SPTLC1: variants seen among roughly 807,000 people sequenced by gnomAD.
The protein encoded by SPTLC1 is serine palmitoyltransferase long chain base subunit 1.
In SPTLC1, 55 loss-of-function variants were observed where a neutral mutation model predicts 68.9. The observed-to-expected ratio is 0.80, with a 90% CI of 0.64 to 1.00. SPTLC1 has a LOEUF of 1.00. SPTLC1 is among the 50% of genes least tolerant of loss of function. The pLI, the probability that SPTLC1 is intolerant of heterozygous loss-of-function variation, is 0.00. For synonymous variants in SPTLC1, 197 were observed against 201.6 expected, an observed-to-expected ratio of 0.98 and a Z score of 0.19; for missense variants, 449 against 573.1, an observed-to-expected ratio of 0.78 and a Z score of 2.21.
rs757436540 is a variant in SPTLC1, at chr9:92,055,447, T to A, written c.738A>T (p.Gly246=). Residue 246 remains glycine, a synonymous_variant, in exon 8 of 15, where the codon GGA becomes GGT. Coordinates refer to ENST00000262554, the MANE Select transcript of SPTLC1 (RefSeq NM_006415.4). ...AAATAGTTCCAGTATTCATATACAATCCTTCTACTACAATGAAACGCCGAG... is the reference window on the plus strand; with the variant it reads ...AAATAGTTCCAGTATTCATATACAAACCTTCTACTACAATGAAACGCCGAG... The part of the protein sequence containing the change: ...RVTRRFIVVE[G]LYMNTGTICP... The A allele has an allele frequency of 6.2e-7, 1 of 1,613,788 alleles. No homozygotes were observed. The highest frequency in any genetic ancestry group is 8.5e-7 in the Non-Finnish European group (1 of 1,179,890).
intron 1 of SPTLC1, among the ~76,000 whole-genome samples, chr9:92,113,404 C>G (rs1296411115): frequency 6.6e-6 from 1 of 152,184 alleles, no homozygotes; most frequent in Non-Finnish European, 1.5e-5. Context: ...AGAAATCACC[C>G]TAAGAAAAGC....
chr9:92,077,749 T>A (rs1417292052), intron 5 of SPTLC1, among the ~76,000 whole-genome samples: 1 of 152,178 alleles, frequency 6.6e-6, no homozygotes, highest in Non-Finnish European at 1.5e-5. Flanking sequence ...CTCCAGACCA[T>A]TGTAGCTGAT....
chr9:92,038,589 T>G (rs1368423119), intron 12 of SPTLC1: 3 of 551,012 alleles, frequency 5.4e-6, no homozygotes. Flanking sequence ...GCTTCCTGAG[T>G]GCAGGACCGG....
At chr9:92,090,220 A>G (rs1231594055) in intron 3 of SPTLC1, among the ~76,000 whole-genome samples, 4 of 152,262 alleles carry the variant, frequency 2.6e-5, no homozygotes, top group African/African-American at 9.6e-5. Flanking sequence ...AGTGGAGGTC[A>G]AATATCAGAC....
At position 92,050,302 on chromosome 9, in the gene SPTLC1, C is replaced by G. The variant is rs1472752184; in HGVS notation, c.781-235G>C. 7 of 462,306 alleles carry G rather than the reference C, an allele frequency of 1.5e-5. No individual in the cohort carries two copies. In the East Asian group the frequency reaches 2.5e-4, roughly 17 times the overall value. The allele number at this position is 462,306 out of a possible 1,614,324, so 28.6% of individuals were successfully genotyped here. On this transcript the variant is annotated intron_variant, in intron 8 of 14. Transcript: ENST00000262554. ...AGTGAAGAATTTGAATTACCTGACA[C>G]GTGTTTTCCCAGGTGAGGGTGAACA...
intron 12 of SPTLC1, among the ~76,000 whole-genome samples, chr9:92,043,616 C>A (rs940031677): frequency 6.6e-6 from 1 of 152,170 alleles, no homozygotes; most frequent in African/African-American, 2.4e-5. Context: ...TGCATATGAA[C>A]TTCTGCTAGA....
At chr9:92,101,345 G>A (rs369365046) in intron 3 of SPTLC1, among the ~76,000 whole-genome samples, 5 of 151,784 alleles carry the variant, frequency 3.3e-5, no homozygotes, top group African/African-American at 1.2e-4. Flanking sequence ...GGCGGATCAC[G>A]AGGTCAGGAG....
chr9:92,056,271 C>T (rs1374148189), intron 7 of SPTLC1, among the ~76,000 whole-genome samples: 1 of 152,076 alleles, frequency 6.6e-6, no homozygotes, highest in Non-Finnish European at 1.5e-5. Flanking sequence ...TCACTGTCAC[C>T]CAGGTGGGAG....
intron 3 of SPTLC1, among the ~76,000 whole-genome samples, chr9:92,104,099 C>G (rs939480329): frequency 5.3e-5 from 8 of 152,224 alleles, no homozygotes; most frequent in Non-Finnish European, 1.0e-4. Flanking sequence ...GTCATAAACT[C>G]CCAGATGCCC....
chr9:92,038,580 C>T (rs1833230933), intron 12 of SPTLC1: 2 of 575,904 alleles, frequency 3.5e-6, no homozygotes, highest in Non-Finnish European at 6.3e-6. Context: ...TGCAATGTGG[C>T]TTCCTGAGTG....
At chr9:92,076,065 C>T (rs1188355603) in intron 5 of SPTLC1, among the ~76,000 whole-genome samples, 1 of 152,194 alleles carries the variant, frequency 6.6e-6, no homozygotes, top group African/African-American at 2.4e-5. Context: ...TCCCCATTTA[C>T]AACCTCTCAA....
chr9:92,032,911 A>G (rs1833022443), intron 14 of SPTLC1, among the ~76,000 whole-genome samples: 1 of 152,116 alleles, frequency 6.6e-6, no homozygotes, highest in African/African-American at 2.4e-5. Flanking sequence ...ACAAACAGAA[A>G]AAAGAATTAT....
In SPTLC1 at chr9:92,102,566, C is replaced by T. The variant is rs1216107318; in HGVS notation, c.260+6174G>A. Reference sequence around the variant, plus strand: ...GGATGTGGGGGTAGTATAGCAGGTTCGTGTGTGATCAAAATTTTTATCAGC... The same window carrying T: ...GGATGTGGGGGTAGTATAGCAGGTTTGTGTGTGATCAAAATTTTTATCAGC... On this transcript the variant is annotated intron_variant, in intron 3 of 14. Transcript: ENST00000262554. 3.9e-5 allele frequency among the ~76,000 whole-genome samples: 6 copies of T among 152,086 alleles called. No homozygotes were observed. In the East Asian group the frequency reaches 7.7e-4, roughly 20 times the overall value.
intron 3 of SPTLC1, chr9:92,104,618 C>T (rs903739100): frequency 4.8e-6 from 7 of 1,473,514 alleles, no homozygotes; most frequent in Non-Finnish European, 6.4e-6. Context: ...ATTAGATGAG[C>T]AGGTGATCCC....
At position 92,089,606 on chromosome 9, in the gene SPTLC1, G is replaced by A. The variant is rs141348285; in HGVS notation, c.261-8643C>T. Among the ~76,000 whole-genome samples the A allele has an allele frequency of 5.8e-3, 888 of 152,254 alleles. 6 individuals carry two copies. The highest frequency in any genetic ancestry group is 9.6e-3 in the Non-Finnish European group (650 of 68,018). On this transcript the variant is annotated intron_variant, in intron 3 of 14. Transcript: ENST00000262554. Reference sequence around the variant, plus strand: ...AAATATGAAAGAGTACATACTGAACGTAGAGGATATGAAGGTTAAAAGTAC... The same window carrying A: ...AAATATGAAAGAGTACATACTGAACATAGAGGATATGAAGGTTAAAAGTAC...
At position 92,068,056 on chromosome 9, in the gene SPTLC1, T is replaced by C. The variant is rs1255312189; in HGVS notation, c.470A>G (p.Lys157Arg). The C allele has an allele frequency of 1.2e-6, 2 of 1,614,094 alleles. No homozygotes were observed. The highest frequency in any genetic ancestry group is 1.7e-6 in the Non-Finnish European group (2 of 1,179,994). ...TGAGTATATAATGGCTTCTTCTGTC[T>C]TCATAAATTTTGCCAGGCGGTCTTC... is the stretch of plus-strand genomic sequence containing the variant. The part of the protein sequence containing the change: ...DLEDRLAKFM[K>R]TEEAIIYSYG... The change falls in exon 6 of 15, where the codon AAG becomes AGG. Residue 157 changes from lysine to arginine, a missense_variant. This residue lies in a region of SPTLC1 where 391 missense variants were observed against 472.1 expected (regional missense o/e 0.83). Coordinates refer to ENST00000262554, the MANE Select transcript of SPTLC1 (RefSeq NM_006415.4).
intron 3 of SPTLC1, among the ~76,000 whole-genome samples, chr9:92,085,775 C>G (rs1328367403): frequency 9.2e-5 from 14 of 151,990 alleles, no homozygotes; most frequent in East Asian, 3.9e-4. Flanking sequence ...GTGCAGAGCT[C>G]AGTTCAATTC....
chr9:92,072,190 C>T lies in SPTLC1; in HGVS notation c.428-4092G>A, dbSNP rs544569139. On this transcript the variant is annotated intron_variant, in intron 5 of 14. Transcript: ENST00000262554. Reference sequence around the variant, plus strand: ...CTCTGGGAGACCTCTCCCCTATCCTCCCCACGCTCTTCCATCAAAGAGACT... The same window carrying T: ...CTCTGGGAGACCTCTCCCCTATCCTTCCCACGCTCTTCCATCAAAGAGACT... Among the ~76,000 whole-genome samples the T allele has an allele frequency of 2.0e-5, 3 of 152,296 alleles. No homozygotes were observed. The East Asian group carries it at 5.8e-4, about 29-fold the overall frequency.
At position 92,059,410 on chromosome 9, in the gene SPTLC1, A is replaced by C. The variant is rs908986278; in HGVS notation, c.561-102T>G. On this transcript the variant is annotated intron_variant, in intron 6 of 14. Transcript: ENST00000262554. ...TAAGCTGACCAATCACTGATTGTTA[A>C]CATGAGCATAGCAAATAAATAAAAC... 2.3e-4 allele frequency: 271 copies of C among 1,170,810 alleles called. 1 individual carries two copies. Among genetic ancestry groups the C allele is most frequent in the Non-Finnish European group, 3.3e-4 (257 of 787,362 alleles). 72.5% of individuals were successfully genotyped at this position (1,170,810 alleles called of 1,614,324 possible).
Sources: gnomAD v4.1 joint callset for allele counts (sites outside exome capture counted in the v4.1 genomes callset) on GRCh38, gnomAD v4.1.1 for gene constraint, gnomAD v4.1.1 regional missense constraint, MANE v1.5 for transcripts, NCBI Gene and HGNC (gene_info 2026-07-23, HGNC 2026-07-21) for gene names.